CFAP54: variants seen among roughly 807,000 people sequenced by gnomAD.
The protein encoded by CFAP54 is cilia and flagella associated protein 54.
In CFAP54, 290 loss-of-function variants were observed where a neutral mutation model predicts 370.4. The ratio of observed to expected loss-of-function variants is 0.78; its 90% CI spans 0.71 to 0.86. CFAP54 has a LOEUF of 0.86. Among genes scored for constraint, CFAP54 ranks in the 40% least tolerant of loss-of-function variants. CFAP54 has a pLI of 0.00. For missense variants in CFAP54, 3,399 were observed against 3,528.7 expected, an observed-to-expected ratio of 0.96 and a Z score of 0.93; for synonymous variants, 1,206 against 1,236.5, an observed-to-expected ratio of 0.98 and a Z score of 0.52.
At chr12:96,510,838 C>T (rs1031689650) in intron 4 of CFAP54, among the ~76,000 whole-genome samples, 5 of 151,924 alleles carry the variant, frequency 3.3e-5, no homozygotes, top group Admixed American at 2.0e-4. Context: ...TGGCGAGCGC[C>T]TGTAATCCCA....
chr12:96,553,559 AATAT>A (rs1955720261), intron 15 of CFAP54, among the ~76,000 whole-genome samples: 1 of 85,092 alleles, frequency 1.2e-5, no homozygotes, highest in South Asian at 3.1e-4. Flanking sequence ...TATGTATAGT[AATAT>A]ATATAGTTAT....
At chr12:96,827,025 TGTG>T (rs1959124158) in intron 65 of CFAP54, among the ~76,000 whole-genome samples, 1 of 131,508 alleles carries the variant, frequency 7.6e-6, no homozygotes, top group African/African-American at 3.0e-5. Flanking sequence ...TGCAATTATA[TGTG>T]ATTATATATA....
In CFAP54 at chr12:96,828,061, T is replaced by TTAATATA. The variant is rs562542756; in HGVS notation, c.9097-948_9097-942dup. ...TATATAATTATATATTAATATATTA[T>TTAATATA]TAATATATAATTATATATTATATAT... On this transcript the variant is annotated intron_variant, in intron 65 of 67. Transcript: ENST00000524981. 8.5e-3 allele frequency among the ~76,000 whole-genome samples: 1,092 copies of TTAATATA among 128,992 alleles called. 21 individuals carry two copies. The highest frequency in any genetic ancestry group is 0.03 in the African/African-American group (1,027 of 34,012). 84.6% of individuals were successfully genotyped at this position (128,992 alleles called of 152,430 possible).
chr12:96,781,333 T>C (rs185122240), intron 60 of CFAP54, among the ~76,000 whole-genome samples: 18 of 152,318 alleles, frequency 1.2e-4, no homozygotes, highest in Admixed American at 8.5e-4. Flanking sequence ...AATTGGAATA[T>C]GGCCTTATTT....
chr12:96,807,640 G>A (rs1958895581), intron 63 of CFAP54, among the ~76,000 whole-genome samples: 1 of 152,142 alleles, frequency 6.6e-6, no homozygotes, highest in Admixed American at 6.6e-5. Flanking sequence ...AAGTATAAAG[G>A]TGATATAGGG....
At chr12:96,723,343 C>T (rs1382739186) in intron 50 of CFAP54, among the ~76,000 whole-genome samples, 3 of 152,046 alleles carry the variant, frequency 2.0e-5, no homozygotes, top group South Asian at 2.1e-4. Flanking sequence ...TCCAACTTTA[C>T]GAGACTGGGG....
At chr12:96,855,751 G>A (rs1592813605) in intron 66 of CFAP54, among the ~76,000 whole-genome samples, 1 of 152,336 alleles carries the variant, frequency 6.6e-6, no homozygotes, top group East Asian at 1.9e-4. Flanking sequence ...TTGAGTGTCT[G>A]TGGCTTTTCC....
Position 96,708,768 on chromosome 12 carries a change from C to A in CFAP54, c.6689C>A (p.Thr2230Asn). The A allele has an allele frequency of 6.2e-7, 1 of 1,606,096 alleles. No individual in the cohort carries two copies. The highest frequency in any genetic ancestry group is 1.3e-5 in the African/African-American group (1 of 74,692). ...GAAAATAAATTTAAGACAGTAATTA[C>A]CAACAAGAGCAAACCAAACCTACCA... ...VPENKFKTVITNKSKPNLPNL... is the reference protein window; with the variant it reads ...VPENKFKTVINNKSKPNLPNL... The change falls in exon 48 of 68, where the codon ACC (threonine) becomes AAC (asparagine). Residue 2230 changes from threonine (T) to asparagine (N), a missense_variant. Coordinates refer to ENST00000524981, the MANE Select transcript of CFAP54 (RefSeq NM_001306084.2).
At chr12:96,727,636 C>G (rs1473283506) in intron 50 of CFAP54, among the ~76,000 whole-genome samples, 1 of 151,822 alleles carries the variant, frequency 6.6e-6, no homozygotes, top group African/African-American at 2.4e-5. Flanking sequence ...ATCCAATTTG[C>G]CAGTCTGTGT....
At chr12:96,732,003 C>T (rs1445133557) in intron 50 of CFAP54, among the ~76,000 whole-genome samples, 2 of 152,142 alleles carry the variant, frequency 1.3e-5, no homozygotes, top group Non-Finnish European at 2.9e-5. Flanking sequence ...TTTCCAATGA[C>T]TGTGTGACGC....
In CFAP54 at chr12:96,658,361, G is replaced by T. The variant is rs1337945653; in HGVS notation, c.5460+15G>T. The T allele has an allele frequency of 6.2e-7, 1 of 1,613,266 alleles. No individual in the cohort carries two copies. Among genetic ancestry groups the T allele is most frequent in the Non-Finnish European group, 8.5e-7 (1 of 1,179,558 alleles). On this transcript the variant is annotated intron_variant, in intron 38 of 67. Transcript: ENST00000524981. ...ATGGAGAGAAGGTAAGTTTAAGTTA[G>T]TTCTATTATTCATGCTGTTGTGATT...
At chr12:96,639,740 T>G (rs570134656) in intron 32 of CFAP54, among the ~76,000 whole-genome samples, 9 of 152,272 alleles carry the variant, frequency 5.9e-5, no homozygotes, top group East Asian at 3.9e-4. Context: ...CATGATCAAG[T>G]GGGCTTCATC....
chr12:96,512,064 T>G (rs892186950), intron 4 of CFAP54, among the ~76,000 whole-genome samples: 1 of 151,936 alleles, frequency 6.6e-6, no homozygotes, highest in Non-Finnish European at 1.5e-5. Context: ...TGTCCTTACT[T>G]AGGTGTTGGA....
chr12:96,607,934 A>C (rs1956317444), intron 26 of CFAP54, among the ~76,000 whole-genome samples: 1 of 152,182 alleles, frequency 6.6e-6, no homozygotes, highest in African/African-American at 2.4e-5. Context: ...AAACATTTTC[A>C]GAAGTGCGGG....
chr12:96,612,372 A>G (rs1391954336), intron 26 of CFAP54, among the ~76,000 whole-genome samples: 1 of 152,244 alleles, frequency 6.6e-6, no homozygotes, highest in African/African-American at 2.4e-5. Flanking sequence ...CTGCCCTACA[A>G]GAGCTCCTGA....
chr12:96,499,024 G>T (rs1221957007), intron 1 of CFAP54, among the ~76,000 whole-genome samples: 2 of 151,654 alleles, frequency 1.3e-5, no homozygotes, highest in Non-Finnish European at 1.5e-5. Flanking sequence ...TTTTGCCCAG[G>T]CTGGAGTGCA....
At chr12:96,601,100 A>T (rs1956236712) in intron 26 of CFAP54, among the ~76,000 whole-genome samples, 1 of 152,160 alleles carries the variant, frequency 6.6e-6, no homozygotes. Context: ...GGTTTGTCAT[A>T]AATAGCTCTT....
At chr12:96,706,615 C>A (rs1216036074) in intron 47 of CFAP54, among the ~76,000 whole-genome samples, 1 of 152,110 alleles carries the variant, frequency 6.6e-6, no homozygotes, top group Non-Finnish European at 1.5e-5. Context: ...TGAAGAGCCA[C>A]TGGAGAGTTT....
chr12:96,602,414 A>G (rs530957661), intron 26 of CFAP54, among the ~76,000 whole-genome samples: 1 of 152,224 alleles, frequency 6.6e-6, no homozygotes, highest in African/African-American at 2.4e-5. Context: ...ATGTGGTGCC[A>G]AGAAGAATGT....
Sources: allele counts gnomAD v4.1 joint callset (sites outside exome capture counted in the v4.1 genomes callset), GRCh38; gene constraint gnomAD v4.1.1; transcripts MANE v1.5; gene names NCBI Gene and HGNC (gene_info 2026-07-23, HGNC 2026-07-21).